The following CNTNAP5 variants were observed in gnomAD, a reference collection of about 807,000 sequenced individuals.
CNTNAP5 encodes the protein contactin-associated protein-like 5.
CNTNAP5 carries 72 observed loss-of-function variants against 150.2 expected under a neutral mutation model. The observed-to-expected ratio is 0.48, with a 90% CI of 0.40 to 0.58. The LOEUF (loss-of-function observed/expected upper bound fraction) is 0.58. CNTNAP5 is among the 20% of genes least tolerant of loss of function. The probability of loss-of-function intolerance (pLI) is 0.00; values close to 1 mark genes in which losing one functional copy is unlikely to be tolerated. For missense variants in CNTNAP5, 1,636 were observed against 1,626.2 expected (o/e 1.01, Z -0.10); for synonymous variants, 672 against 619.8 (o/e 1.08, Z -1.25).
chr2:124,799,831 T>TA (rs1191600066), intron 19 of CNTNAP5, among the ~76,000 whole-genome samples: 2 of 152,000 alleles, frequency 1.3e-5, no homozygotes, highest in Non-Finnish European at 2.9e-5. Flanking sequence ...CTTTCTAAGA[T>TA]AAAAATAGAA....
intron 19 of CNTNAP5, among the ~76,000 whole-genome samples, chr2:124,846,194 G>T (rs1202768273): frequency 6.6e-6 from 1 of 152,032 alleles, no homozygotes. Flanking sequence ...CAGAGGTTTT[G>T]ATAGATATTG....
chr2:124,883,878 A>T (rs529779089), intron 21 of CNTNAP5, among the ~76,000 whole-genome samples: 93 of 152,226 alleles, frequency 6.1e-4, no homozygotes, highest in African/African-American at 2.2e-3. Context: ...TTGTGTATAT[A>T]CATATGTCTG....
chr2:124,624,484 T>C (rs1677679198), intron 12 of CNTNAP5, among the ~76,000 whole-genome samples: 1 of 152,254 alleles, frequency 6.6e-6, no homozygotes, highest in Non-Finnish European at 1.5e-5. Flanking sequence ...TTTATTTACT[T>C]CCTCATTTAT....
chr2:124,391,895 G>A (rs1245025475), intron 3 of CNTNAP5, among the ~76,000 whole-genome samples: 1 of 152,158 alleles, frequency 6.6e-6, no homozygotes. Context: ...AGCGGAGCTT[G>A]CAGTGAGCCG....
intron 1 of CNTNAP5, among the ~76,000 whole-genome samples, chr2:124,188,036 C>A (rs527444324): frequency 6.6e-6 from 1 of 152,178 alleles, no homozygotes; most frequent in Admixed American, 6.5e-5. Context: ...TGGTATCAGA[C>A]AAAGTGTGCT....
chr2:124,519,535 G>A (rs998310653), intron 8 of CNTNAP5, among the ~76,000 whole-genome samples: 3 of 152,190 alleles, frequency 2.0e-5, no homozygotes, highest in Admixed American at 6.5e-5. Context: ...CCCTTTGAAC[G>A]CTGGCTCTGC....
intron 3 of CNTNAP5, among the ~76,000 whole-genome samples, chr2:124,253,840 A>T (rs1039874744): frequency 2.0e-5 from 3 of 151,768 alleles, no homozygotes; most frequent in African/African-American, 7.3e-5. Flanking sequence ...TACTCCATGG[A>T]TTTAGATAAG....
intron 16 of CNTNAP5, among the ~76,000 whole-genome samples, chr2:124,770,384 G>T (rs1172526769): frequency 6.6e-6 from 1 of 152,106 alleles, no homozygotes; most frequent in Non-Finnish European, 1.5e-5. Context: ...AGGGGGCAAG[G>T]CTAGTCACAG....
intron 13 of CNTNAP5, among the ~76,000 whole-genome samples, chr2:124,734,277 T>C (rs1680335697): frequency 6.6e-6 from 1 of 151,070 alleles, no homozygotes; most frequent in Admixed American, 6.6e-5. Context: ...AGAGAGAGAA[T>C]GAAGAGAGGA....
At chr2:124,275,140 G>T (rs1456645822) in intron 3 of CNTNAP5, among the ~76,000 whole-genome samples, 4 of 152,056 alleles carry the variant, frequency 2.6e-5, no homozygotes, top group Non-Finnish European at 5.9e-5. Flanking sequence ...AACAGCATGA[G>T]AAAGACCCAC....
intron 21 of CNTNAP5, among the ~76,000 whole-genome samples, chr2:124,889,127 G>C (rs1283569915): frequency 1.1e-5 from 1 of 89,710 alleles, no homozygotes; most frequent in African/African-American, 4.4e-5. Flanking sequence ...ATCTCGCTTT[G>C]TCACCCAGGC....
At chr2:124,380,906 A>G (rs1336262046) in intron 3 of CNTNAP5, among the ~76,000 whole-genome samples, 1 of 152,208 alleles carries the variant, frequency 6.6e-6, no homozygotes, top group Admixed American at 6.5e-5. Flanking sequence ...GTGTCACGCA[A>G]AAAAGTAAGC....
At chr2:124,713,229 TTCTTTCTTTCTTTC>T (rs1229954072) in intron 13 of CNTNAP5, among the ~76,000 whole-genome samples, 3,839 of 44,190 alleles carry the variant, frequency 0.087, 556 homozygotes, top group Middle Eastern at 0.11. Flanking sequence ...GTTTCTTTCT[TTCTTTCTTTCTTTC>T]TCTTTCTTTC....
chr2:124,244,721 T>C (rs547110597), intron 3 of CNTNAP5, among the ~76,000 whole-genome samples: 3 of 152,240 alleles, frequency 2.0e-5, no homozygotes, highest in African/African-American at 7.2e-5. Context: ...TCATGTACAG[T>C]AACTAGGCTC....
chr2:124,279,078 G>A (rs1191231177), intron 3 of CNTNAP5, among the ~76,000 whole-genome samples: 1 of 151,956 alleles, frequency 6.6e-6, no homozygotes, highest in African/African-American at 2.4e-5. Flanking sequence ...TAACACTAGG[G>A]TGACCTAATA....
intron 3 of CNTNAP5, among the ~76,000 whole-genome samples, chr2:124,320,015 T>C (rs1488655172): frequency 6.6e-6 from 1 of 152,232 alleles, no homozygotes; most frequent in Non-Finnish European, 1.5e-5. Context: ...TGATTCTGTT[T>C]TAATGTCCAC....
chr2:124,161,485 C>T (rs559908672), intron 1 of CNTNAP5, among the ~76,000 whole-genome samples: 23 of 152,198 alleles, frequency 1.5e-4, no homozygotes, highest in African/African-American at 5.3e-4. Flanking sequence ...CACATGACAG[C>T]TCCTAGAGGC....
chr2:124,653,612 A>C (rs1410231587), intron 13 of CNTNAP5, among the ~76,000 whole-genome samples: 1 of 150,818 alleles, frequency 6.6e-6, no homozygotes, highest in East Asian at 1.9e-4. Context: ...TGAAAAATTA[A>C]TGATTTAGTT....
At chr2:124,184,376 G>A (rs1685279832) in intron 1 of CNTNAP5, among the ~76,000 whole-genome samples, 1 of 152,166 alleles carries the variant, frequency 6.6e-6, no homozygotes, top group South Asian at 2.1e-4. Context: ...CAGCACGCTG[G>A]TGTATGGTTG....
Sources: allele counts gnomAD v4.1 joint callset (sites outside exome capture counted in the v4.1 genomes callset), GRCh38; gene constraint gnomAD v4.1.1; transcripts MANE v1.5; gene names NCBI Gene and HGNC (gene_info 2026-07-23, HGNC 2026-07-21).